SETBP1: variants seen among roughly 807,000 people sequenced by gnomAD.
SETBP1 encodes SET binding protein 1.
A neutral mutation model predicts 101.0 loss-of-function variants in SETBP1; 9 were observed. The ratio of observed to expected loss-of-function variants is 0.09; its 90% CI spans 0.05 to 0.16. The LOEUF is 0.16. Ranked by LOEUF, SETBP1 falls within the 10% of genes least tolerant of loss-of-function variation. The probability of loss-of-function intolerance (pLI) is 1.00; values close to 1 mark genes in which losing one functional copy is unlikely to be tolerated. For missense variants in SETBP1, 1,858 were observed against 2,033.8 expected (o/e 0.91, Z 1.66); for synonymous variants, 818 against 788.5 (o/e 1.04, Z -0.63).
At chr18:44,959,333 T>TA (rs1385325018) in intron 4 of SETBP1, among the ~76,000 whole-genome samples, 1 of 152,220 alleles carries the variant, frequency 6.6e-6, no homozygotes, top group African/African-American at 2.4e-5. Context: ...ACCATCTCCT[T>TA]ACTCTATAAA....
intron 2 of SETBP1, among the ~76,000 whole-genome samples, chr18:44,747,392 G>A (rs1330455517): frequency 6.6e-6 from 1 of 152,200 alleles, no homozygotes; most frequent in African/African-American, 2.4e-5. Flanking sequence ...ACTGAAAAGA[G>A]CATTAGAAAT....
chr18:44,701,931 T>C, intron 2 of SETBP1, 99 bp downstream of exon 2: 3 of 1,376,576 alleles, frequency 2.2e-6, no homozygotes, highest in Non-Finnish European at 3.0e-6. Flanking sequence ...TATTTGACTC[T>C]AGAACAACGT....
intron 2 of SETBP1, among the ~76,000 whole-genome samples, chr18:44,864,186 G>A (rs945652817): frequency 4.6e-5 from 7 of 152,154 alleles, no homozygotes; most frequent in African/African-American, 1.7e-4. Flanking sequence ...AGGGAGAAGG[G>A]CAGCTGTTTG....
chr18:44,968,950 A>G (rs1157644834), intron 4 of SETBP1, among the ~76,000 whole-genome samples: 1 of 152,224 alleles, frequency 6.6e-6, no homozygotes, highest in African/African-American at 2.4e-5. Context: ...GTGAAAAGTA[A>G]AATAACTCCT....
At chr18:44,863,931 C>G (rs905330764) in intron 2 of SETBP1, among the ~76,000 whole-genome samples, 3 of 152,140 alleles carry the variant, frequency 2.0e-5, no homozygotes, top group Non-Finnish European at 4.4e-5. Flanking sequence ...GCCAGATGTT[C>G]AGCATGACCC....
chr18:44,794,734 C>T (rs1029866468), intron 2 of SETBP1, among the ~76,000 whole-genome samples: 1 of 152,142 alleles, frequency 6.6e-6, no homozygotes, highest in Admixed American at 6.5e-5. Flanking sequence ...TTTGCTGGAC[C>T]TCCTACCTTC....
intron 4 of SETBP1, among the ~76,000 whole-genome samples, chr18:44,999,624 G>C (rs985706538): frequency 6.6e-6 from 1 of 152,138 alleles, no homozygotes; most frequent in South Asian, 2.1e-4. Flanking sequence ...GAGATAACTC[G>C]CAACGACCCT....
intron 4 of SETBP1, among the ~76,000 whole-genome samples, chr18:44,961,302 C>A (rs1319737278): frequency 1.3e-5 from 2 of 152,158 alleles, no homozygotes; most frequent in Non-Finnish European, 2.9e-5. Flanking sequence ...AGGATGAAAA[C>A]AAATGAAAAT....
intron 3 of SETBP1, among the ~76,000 whole-genome samples, chr18:44,897,371 A>G (rs940938171): frequency 1.3e-5 from 2 of 152,076 alleles, no homozygotes; most frequent in African/African-American, 2.4e-5. Context: ...TGAAGACAAT[A>G]TGGTGCTTCT....
At chr18:45,060,682 CTT>C (rs560636945) in intron 5 of SETBP1, among the ~76,000 whole-genome samples, 57 of 152,248 alleles carry the variant, frequency 3.7e-4, no homozygotes, top group African/African-American at 4.3e-4. Context: ...AATGCAAAGA[CTT>C]AATAAATTAT....
chr18:44,808,733 T>A (rs2144816219), intron 2 of SETBP1, among the ~76,000 whole-genome samples: 1 of 152,298 alleles, frequency 6.6e-6, no homozygotes, highest in Middle Eastern at 3.4e-3. Context: ...CAGGCTAACA[T>A]GATTCTTGCT....
intron 4 of SETBP1, among the ~76,000 whole-genome samples, chr18:45,009,073 A>G (rs1165785364): frequency 2.6e-5 from 4 of 152,080 alleles, no homozygotes; most frequent in Non-Finnish European, 5.9e-5. Flanking sequence ...GGCTCCTCAG[A>G]AGTCGTGTTC....
chr18:44,804,889 G>A (rs773165804), intron 2 of SETBP1, among the ~76,000 whole-genome samples: 1 of 152,054 alleles, frequency 6.6e-6, no homozygotes, highest in Non-Finnish European at 1.5e-5. Context: ...AGGGCCCTGT[G>A]CAAAGGCTTC....
At chr18:44,932,208 G>A (rs2070852607) in intron 3 of SETBP1, among the ~76,000 whole-genome samples, 1 of 152,160 alleles carries the variant, frequency 6.6e-6, no homozygotes, top group Admixed American at 6.5e-5. Flanking sequence ...GGCTTAGTTT[G>A]GATGGATATG....
intron 2 of SETBP1, among the ~76,000 whole-genome samples, chr18:44,842,040 G>A (rs1219835773): frequency 6.6e-6 from 1 of 152,232 alleles, no homozygotes; most frequent in East Asian, 1.9e-4. Flanking sequence ...CCTGGCTGGG[G>A]ATTTTAAGGA....
chr18:44,788,273 G>A (rs758652636), intron 2 of SETBP1, among the ~76,000 whole-genome samples: 13 of 152,174 alleles, frequency 8.5e-5, no homozygotes, highest in Non-Finnish European at 1.8e-4. Context: ...TCCAGCAGCA[G>A]GAGGCAGGGG....
intron 2 of SETBP1, among the ~76,000 whole-genome samples, chr18:44,865,435 C>T (rs1381989927): frequency 6.6e-6 from 1 of 152,154 alleles, no homozygotes; most frequent in Non-Finnish European, 1.5e-5. Flanking sequence ...TGATTTTCTC[C>T]TCTTCTCCAG....
chr18:44,939,035 T>C (rs2071026803), intron 3 of SETBP1, among the ~76,000 whole-genome samples: 1 of 151,876 alleles, frequency 6.6e-6, no homozygotes, highest in South Asian at 2.1e-4. Context: ...TTCATAGTCA[T>C]CATTTTTGAA....
chr18:44,779,918 ACACACACACACGCACG>A (rs942492215), intron 2 of SETBP1, among the ~76,000 whole-genome samples: 13 of 151,754 alleles, frequency 8.6e-5, no homozygotes, highest in Non-Finnish European at 1.3e-4. Context: ...CCGAACACAC[ACACACACACACGCACG>A]CACACACACA....
Sources: gnomAD v4.1 joint callset for allele counts (sites outside exome capture counted in the v4.1 genomes callset) on GRCh38, gnomAD v4.1.1 for gene constraint, MANE v1.5 for transcripts, NCBI Gene and HGNC (gene_info 2026-07-23, HGNC 2026-07-21) for gene names.